Variants in PCDHGA5 observed in about 807,000 individuals in gnomAD.
The protein encoded by PCDHGA5 is protocadherin gamma subfamily A, 5.
PCDHGA5 carries 36 observed loss-of-function variants against 56.7 expected under a neutral mutation model. That is an observed-to-expected ratio of 0.64 (90% CI 0.49 to 0.84). The LOEUF is 0.84. Ranked by LOEUF, PCDHGA5 falls within the 40% of genes least tolerant of loss-of-function variation. The pLI, the probability that PCDHGA5 is intolerant of heterozygous loss-of-function variation, is 0.00. For missense variants in PCDHGA5, 1,305 were observed against 1,201.5 expected (o/e 1.09, Z -1.27); for synonymous variants, 563 against 520.2 (o/e 1.08, Z -1.12).
At chr5:141,464,096 C>T (rs2099075769) in intron 1 of PCDHGA5, among the ~76,000 whole-genome samples, 1 of 152,016 alleles carries the variant, frequency 6.6e-6, no homozygotes, top group African/African-American at 2.4e-5. Context: ...GAAACTCCGT[C>T]TCTACTAAAA....
At chr5:141,438,996 A>G (rs2098080427) in intron 1 of PCDHGA5, among the ~76,000 whole-genome samples, 1 of 151,634 alleles carries the variant, frequency 6.6e-6, no homozygotes, top group African/African-American at 2.4e-5. Flanking sequence ...AAGGCTAAGG[A>G]CCTGGTTTGT....
At chr5:141,423,510 TGCGGACTC>T in intron 1 of PCDHGA5, 1 of 1,613,792 alleles carries the variant, frequency 6.2e-7, no homozygotes, top group South Asian at 1.1e-5. Context: ...TCTCTCTCAT[TGCGGACTC>T]GCAGAAGAGT....
chr5:141,505,616 C>A, intron 3 of PCDHGA5, 135 bp downstream of exon 3: 1 of 1,503,160 alleles, frequency 6.7e-7, no homozygotes. Flanking sequence ...CTGAAAGGAC[C>A]CACAATTCCA....
chr5:141,384,206 C>T (rs887307433), intron 1 of PCDHGA5: 1 of 1,613,928 alleles, frequency 6.2e-7, no homozygotes. Context: ...TCCAGGGAAA[C>T]TCACATATTC....
At chr5:141,414,088 A>G in intron 1 of PCDHGA5, 3 of 1,599,384 alleles carry the variant, frequency 1.9e-6, no homozygotes, top group Non-Finnish European at 8.5e-7. Context: ...TACTGGAGAA[A>G]TAAAAATATC....
At chr5:141,383,621 T>A in intron 1 of PCDHGA5, 1 of 1,613,880 alleles carries the variant, frequency 6.2e-7, no homozygotes, top group East Asian at 2.2e-5. Flanking sequence ...CACACGCCTG[T>A]CTTCTCTCTG....
intron 1 of PCDHGA5, among the ~76,000 whole-genome samples, chr5:141,373,661 A>T (rs766983811): frequency 6.6e-6 from 1 of 152,270 alleles, no homozygotes; most frequent in Non-Finnish European, 1.5e-5. Context: ...AGATATTTTC[A>T]TAAAAATGAA....
intron 1 of PCDHGA5, among the ~76,000 whole-genome samples, chr5:141,488,350 C>G (rs1191478919): frequency 6.6e-6 from 1 of 152,176 alleles, no homozygotes; most frequent in Non-Finnish European, 1.5e-5. Context: ...GAAACAGCCA[C>G]CCTGTGCATC....
chr5:141,450,991 A>AT (rs1351194705), intron 1 of PCDHGA5, among the ~76,000 whole-genome samples: 1 of 150,700 alleles, frequency 6.6e-6, no homozygotes. Context: ...CACCCGGCTA[A>AT]TTTTTTTGTA....
intron 2 of PCDHGA5, among the ~76,000 whole-genome samples, chr5:141,500,231 C>T (rs992215482): frequency 1.4e-5 from 2 of 138,098 alleles, no homozygotes; most frequent in East Asian, 4.1e-4. Context: ...TTTATTGATA[C>T]GTAGCCTTGC....
At chr5:141,394,506 C>T (rs1487868399) in intron 1 of PCDHGA5, 1 of 1,614,096 alleles carries the variant, frequency 6.2e-7, no homozygotes, top group Non-Finnish European at 8.5e-7. Flanking sequence ...GATCCTGTAC[C>T]CCGCCCTCCC....
intron 1 of PCDHGA5, chr5:141,403,090 C>T (rs2094352394): frequency 6.2e-7 from 1 of 1,614,068 alleles, no homozygotes; most frequent in Non-Finnish European, 8.5e-7. Context: ...ATATTGTGGG[C>T]AACATCTCCA....
At chr5:141,484,347 T>C (rs569724902) in intron 1 of PCDHGA5, among the ~76,000 whole-genome samples, 2 of 152,302 alleles carry the variant, frequency 1.3e-5, no homozygotes, top group East Asian at 1.9e-4. Flanking sequence ...AATGGTAATT[T>C]AGTGTATCTA....
chr5:141,479,469 C>T lies in PCDHGA5; in HGVS notation c.2422-15338C>T, dbSNP rs1218436564. 8 of 152,344 alleles carry T rather than the reference C, an allele frequency of 5.3e-5. No homozygotes were observed. In the East Asian group the frequency reaches 1.5e-3, roughly 29 times the overall value. 9.4% of individuals were successfully genotyped at this position (152,344 alleles called of 1,614,324 possible). On this transcript the variant is annotated intron_variant, in intron 1 of 3. Transcript: ENST00000518069. ...AAGTTCAGCATGAATACAGTGACCT[C>T]TTGGGAGGGCAGGACCATCAGGTTG...
chr5:141,403,324 T>G (rs769971532), intron 1 of PCDHGA5: 1 of 1,613,974 alleles, frequency 6.2e-7, no homozygotes, highest in East Asian at 2.2e-5. Context: ...TAGAAGTAAC[T>G]GATATTAACG....
chr5:141,399,146 G>A, intron 1 of PCDHGA5: 4 of 1,613,792 alleles, frequency 2.5e-6, no homozygotes, highest in Non-Finnish European at 3.4e-6. Context: ...AATGACAATA[G>A]CCCAGAAGTT....
intron 2 of PCDHGA5, among the ~76,000 whole-genome samples, chr5:141,496,841 G>C (rs2099771828): frequency 6.6e-6 from 1 of 151,398 alleles, no homozygotes; most frequent in South Asian, 2.1e-4. Context: ...GAACTCATAG[G>C]CTTCCAGACC....
chr5:141,364,779 C>T lies in PCDHGA5; in HGVS notation c.449C>T (p.Thr150Ile), dbSNP rs1036037278. The part of the protein sequence containing the change: ...VKVNENAAAG[T>I]RLVLPFARDA... ...GTTAATGAAAATGCGGCTGCAGGGA[C>T]ACGGTTAGTGCTTCCCTTCGCGCGG... Residue 150 changes from threonine (T) to isoleucine (I), a missense_variant, in exon 1 of 4, where the codon ACA (threonine) becomes ATA (isoleucine). Physicochemically the swap from Thr to Ile is moderately conservative, Grantham distance 89. Coordinates refer to ENST00000518069, the MANE Select transcript of PCDHGA5 (RefSeq NM_018918.3). 6.2e-7 allele frequency: 1 copy of T among 1,613,980 alleles called. No homozygotes were observed. The highest frequency in any genetic ancestry group is 2.2e-5 in the East Asian group (1 of 44,882).
chr5:141,449,497 G>A (rs903338878), intron 1 of PCDHGA5, among the ~76,000 whole-genome samples: 4 of 149,856 alleles, frequency 2.7e-5, no homozygotes, highest in African/African-American at 9.9e-5. Flanking sequence ...GGTGAGGCAT[G>A]AGAAATGCTT....
Sources: allele counts gnomAD v4.1 joint callset (sites outside exome capture counted in the v4.1 genomes callset), GRCh38; gene constraint gnomAD v4.1.1; transcripts MANE v1.5; gene names NCBI Gene and HGNC (gene_info 2026-07-23, HGNC 2026-07-21).